SLC9A9: variants seen among roughly 807,000 people sequenced by gnomAD.
SLC9A9 encodes sodium/hydrogen exchanger 9.
SLC9A9 carries 62 observed loss-of-function variants against 77.8 expected under a neutral mutation model. The ratio of observed to expected loss-of-function variants is 0.80; its 90% CI spans 0.65 to 0.98. The LOEUF is 0.98. Ranked by LOEUF, SLC9A9 falls within the 50% of genes least tolerant of loss-of-function variation. SLC9A9 has a pLI of 0.00. For missense variants in SLC9A9, 775 were observed against 774.9 expected, an observed-to-expected ratio of 1.00 and a Z score of 0.00; for synonymous variants, 320 against 283.5, an observed-to-expected ratio of 1.13 and a Z score of -1.29.
At chr3:143,376,898 C>G (rs949828049) in intron 13 of SLC9A9, among the ~76,000 whole-genome samples, 1 of 152,130 alleles carries the variant, frequency 6.6e-6, no homozygotes, top group Non-Finnish European at 1.5e-5. Flanking sequence ...AATTTTGAGA[C>G]TCGTATTCTA....
chr3:143,840,828 C>T (rs16854463), intron 1 of SLC9A9, among the ~76,000 whole-genome samples: 11,967 of 152,162 alleles, frequency 0.079, 1,476 homozygotes, highest in African/African-American at 0.26. Flanking sequence ...GTGTTCTTGC[C>T]AATTATTCTG....
chr3:143,291,246 C>T (rs766371657), intron 14 of SLC9A9, among the ~76,000 whole-genome samples: 6 of 152,178 alleles, frequency 3.9e-5, no homozygotes, highest in Non-Finnish European at 7.3e-5. Context: ...CCCCACCTTC[C>T]CAGTGTCCAC....
chr3:143,373,605 T>TAAAAAAAAAAAAA (rs67376157), intron 13 of SLC9A9, among the ~76,000 whole-genome samples: 9 of 58,582 alleles, frequency 1.5e-4, no homozygotes, highest in South Asian at 6.9e-4. Flanking sequence ...ACTGAAATAG[T>TAAAAAAAAAAAAA]AAAAAAAAAA....
intron 4 of SLC9A9, among the ~76,000 whole-genome samples, chr3:143,721,527 G>A (rs1934497961): frequency 6.6e-6 from 1 of 152,066 alleles, no homozygotes; most frequent in Admixed American, 6.5e-5. Flanking sequence ...TGGAGACGTG[G>A]TCATCAAGAG....
intron 6 of SLC9A9, among the ~76,000 whole-genome samples, chr3:143,632,813 T>C (rs1349510657): frequency 5.3e-5 from 8 of 152,344 alleles, no homozygotes; most frequent in African/African-American, 1.9e-4. Context: ...TCTGTTCCTA[T>C]GGTTTGGGAG....
At chr3:143,541,189 G>A (rs906197376) in intron 9 of SLC9A9, among the ~76,000 whole-genome samples, 1 of 152,152 alleles carries the variant, frequency 6.6e-6, no homozygotes, top group Admixed American at 6.5e-5. Context: ...AACAACTTTA[G>A]AGACTAGTTA....
intron 4 of SLC9A9, among the ~76,000 whole-genome samples, chr3:143,731,879 T>C (rs191764098): frequency 1.3e-5 from 2 of 152,318 alleles, no homozygotes; most frequent in East Asian, 3.9e-4. Context: ...TCTCCAACTG[T>C]CAACGGATGT....
At chr3:143,332,560 A>G (rs1338352480) in intron 14 of SLC9A9, among the ~76,000 whole-genome samples, 1 of 152,228 alleles carries the variant, frequency 6.6e-6, no homozygotes, top group African/African-American at 2.4e-5. Context: ...CTGATGGCCC[A>G]CTAATACATT....
At chr3:143,824,766 T>G (rs530155687) in intron 2 of SLC9A9, among the ~76,000 whole-genome samples, 55 of 152,362 alleles carry the variant, frequency 3.6e-4, no homozygotes, top group African/African-American at 1.2e-3. Context: ...CCAAATGGAA[T>G]ATTTAGAGTC....
intron 11 of SLC9A9, among the ~76,000 whole-genome samples, chr3:143,477,799 C>T (rs1258094740): frequency 6.6e-6 from 1 of 152,104 alleles, no homozygotes; most frequent in Non-Finnish European, 1.5e-5. Context: ...TGGGAGAGCA[C>T]CTATCCCAGG....
At position 143,318,808 on chromosome 3, in the gene SLC9A9, A is replaced by G. The variant is rs185262723; in HGVS notation, c.1604+44676T>C. 2.9e-3 allele frequency among the ~76,000 whole-genome samples: 448 copies of G among 152,332 alleles called. 1 individual carries two copies. Among genetic ancestry groups the G allele is most frequent in the Non-Finnish European group, 4.7e-3 (317 of 68,030 alleles). ...ATCCTGGAGACTTGTTGCATGGGAC[A>G]GAGGCAAGGCAAAGAGGGTTAGTGA... On this transcript the variant is annotated intron_variant, in intron 14 of 15. Transcript: ENST00000316549.
At chr3:143,712,733 A>G (rs1292593676) in intron 4 of SLC9A9, among the ~76,000 whole-genome samples, 5 of 152,332 alleles carry the variant, frequency 3.3e-5, no homozygotes, top group Admixed American at 3.3e-4. Context: ...CATCTCCCTC[A>G]AAGAACCAGT....
At chr3:143,450,847 T>A (rs1368835287) in intron 12 of SLC9A9, among the ~76,000 whole-genome samples, 1 of 152,158 alleles carries the variant, frequency 6.6e-6, no homozygotes, top group Admixed American at 6.6e-5. Context: ...CAGGCTGTGA[T>A]GGCCATCACA....
At chr3:143,633,699 T>C in intron 6 of SLC9A9, among the ~76,000 whole-genome samples, 1 of 152,216 alleles carries the variant, frequency 6.6e-6, no homozygotes, top group East Asian at 1.9e-4. Context: ...CTTGAAAACA[T>C]TGAACATATC....
intron 14 of SLC9A9, among the ~76,000 whole-genome samples, chr3:143,325,077 G>GAA (rs74269489): frequency 0.011 from 854 of 77,936 alleles, 2 homozygotes; most frequent in African/African-American, 0.034. Flanking sequence ...TTATTAACCA[G>GAA]AAAAAAAAAA....
At chr3:143,644,054 T>C (rs2038664577) in intron 6 of SLC9A9, among the ~76,000 whole-genome samples, 1 of 151,002 alleles carries the variant, frequency 6.6e-6, no homozygotes, top group South Asian at 2.1e-4. Context: ...ATCTGCACCA[T>C]GAAAGAATGA....
rs1158745034 is a variant in SLC9A9 at position 143,589,010 on chromosome 3, C to T, written c.756-10287G>A. On this transcript the variant is annotated intron_variant, in intron 6 of 15. Coordinates refer to ENST00000316549, the MANE Select transcript of SLC9A9 (RefSeq NM_173653.4). ...GTATGGAAAAGTAGGTTAATAGCCA[C>T]CAAAGATGGAAATCCAGCTAAAGTT... 4.6e-5 allele frequency among the ~76,000 whole-genome samples: 7 copies of T among 152,122 alleles called. No individual in the cohort carries two copies. The East Asian group carries it at 1.2e-3, about 25-fold the overall frequency.
chr3:143,512,389 CAT>C (rs978313830), intron 9 of SLC9A9, among the ~76,000 whole-genome samples: 1 of 152,128 alleles, frequency 6.6e-6, no homozygotes, highest in Non-Finnish European at 1.5e-5. Context: ...ACCACCAAAA[CAT>C]ATATCAAAAA....
intron 4 of SLC9A9, among the ~76,000 whole-genome samples, chr3:143,769,154 T>G (rs1331538296): frequency 1.3e-5 from 2 of 152,158 alleles, no homozygotes; most frequent in African/African-American, 4.8e-5. Context: ...AGATAGTAAA[T>G]ATTATTACTG....
Sources: allele counts gnomAD v4.1 joint callset (sites outside exome capture counted in the v4.1 genomes callset), GRCh38; gene constraint gnomAD v4.1.1; transcripts MANE v1.5; gene names NCBI Gene and HGNC (gene_info 2026-07-23, HGNC 2026-07-21).